DNAH14: variants seen among roughly 807,000 people sequenced by gnomAD.
DNAH14 encodes the protein axonemal beta dynein heavy chain 14.
In DNAH14, 478 loss-of-function variants were observed where a neutral mutation model predicts 520.9. The observed-to-expected ratio is 0.92, with a 90% CI of 0.85 to 0.99. DNAH14 has a LOEUF of 0.99. Ranked by LOEUF, DNAH14 falls within the 50% of genes least tolerant of loss-of-function variation. The pLI, the probability that DNAH14 is intolerant of heterozygous loss-of-function variation, is 0.00. For synonymous variants in DNAH14, 1,581 were observed against 1,757.2 expected, an observed-to-expected ratio of 0.90 and a Z score of 2.51; for missense variants, 4,831 against 5,234.5, an observed-to-expected ratio of 0.92 and a Z score of 2.38.
intron 54 of DNAH14, among the ~76,000 whole-genome samples, chr1:225,280,750 A>G (rs1362406745): frequency 6.6e-6 from 1 of 152,210 alleles, no homozygotes; most frequent in Non-Finnish European, 1.5e-5. Context: ...AGCAAGAGAA[A>G]AACAACTTCT....
In DNAH14 at chr1:225,265,222, G is replaced by A. The variant is rs1383101536; in HGVS notation, c.7263G>A (p.Lys2421=). ...TKKPEVRTNK[K]LLKNNDHKGV... is the part of the protein sequence containing the mutation. Reference sequence around the variant, plus strand: ...AGCCAGAAGTTAGAACTAATAAAAAGTTACTTAAAAATAATGATCATAAAG... The same window carrying A: ...AGCCAGAAGTTAGAACTAATAAAAAATTACTTAAAAATAATGATCATAAAG... The change falls in exon 48 of 86, where the codon AAG becomes AAA. Residue 2421 remains lysine, a synonymous_variant. Transcript: ENST00000682510. 6.6e-7 allele frequency: 1 copy of A among 1,505,424 alleles called. No individual in the cohort carries two copies. Among genetic ancestry groups the A allele is most frequent in the Admixed American group, 2.6e-5 (1 of 38,956 alleles). 93.3% of individuals were successfully genotyped at this position (1,505,424 alleles called of 1,614,324 possible).
In DNAH14 at chr1:225,287,513, G is replaced by A. The variant is rs545553203; in HGVS notation, c.8272-2372G>A. The stretch of plus-strand genomic sequence containing the variant: ...AAATGATCATGTAGTAACAGAGTTG[G>A]AGACATAAGTTAAACTTATTTTTAG... On this transcript the variant is annotated intron_variant, in intron 54 of 85. Transcript: ENST00000682510. Among the ~76,000 whole-genome samples the A allele has an allele frequency of 3.9e-5, 6 of 152,292 alleles. No homozygotes were observed. In the East Asian group the frequency reaches 1.2e-3, roughly 29 times the overall value.
At chr1:225,347,037 C>T (rs1193587000) in intron 71 of DNAH14, among the ~76,000 whole-genome samples, 1 of 152,072 alleles carries the variant, frequency 6.6e-6, no homozygotes, top group African/African-American at 2.4e-5. Flanking sequence ...AGGTTAGACA[C>T]AATTATTTAA....
At chr1:225,392,088 G>T (rs1218088435) in intron 83 of DNAH14, among the ~76,000 whole-genome samples, 1 of 152,150 alleles carries the variant, frequency 6.6e-6, no homozygotes, top group African/African-American at 2.4e-5. Flanking sequence ...TCACCAGGAG[G>T]CTCCTGCAGC....
At chr1:224,993,907 T>A (rs192232869) in intron 8 of DNAH14, among the ~76,000 whole-genome samples, 61 of 152,228 alleles carry the variant, frequency 4.0e-4, no homozygotes, top group Non-Finnish European at 6.6e-4. Context: ...CAAGATATTT[T>A]TAAATTTCAT....
rs775669733 is a variant in DNAH14, at chr1:225,346,104, G to A, written c.10821G>A (p.Ala3607=). The A allele has an allele frequency of 1.0e-4, 160 of 1,551,522 alleles. 1 individual carries two copies. In the South Asian group the frequency reaches 1.4e-3, roughly 13 times the overall value. ...TACGTAAAAACTATCTCCCCATTGC[G>A]ACCCGAGGCGCCCTGCTCTACTTCC... ...QAIRKNYLPI[A]TRGALLYFLV... Residue 3607 remains alanine, a synonymous_variant, in exon 70 of 86, where the codon GCG becomes GCA. Transcript: ENST00000682510.
At chr1:225,018,483 C>A (rs6689287) in intron 10 of DNAH14, among the ~76,000 whole-genome samples, 7,275 of 152,198 alleles carry the variant, frequency 0.048, 508 homozygotes, top group African/African-American at 0.15. Context: ...AGGATATAGT[C>A]CATGACAATT....
intron 26 of DNAH14, among the ~76,000 whole-genome samples, chr1:225,120,561 C>A (rs905990308): frequency 1.3e-5 from 2 of 152,170 alleles, no homozygotes; most frequent in African/African-American, 4.8e-5. Context: ...AAACTAAATT[C>A]CTTCCCAAGG....
chr1:224,929,970 G>T, intron 1 of DNAH14, 135 bp downstream of exon 1: 2 of 514,290 alleles, frequency 3.9e-6, no homozygotes, highest in East Asian at 3.4e-5. Context: ...AGCTGCTGTG[G>T]GAGCGCCTCC....
In DNAH14 at chr1:225,206,075, A is replaced by C. The variant is rs2087514143; in HGVS notation, c.6082A>C (p.Ser2028Arg). 6.4e-6 allele frequency: 10 copies of C among 1,551,610 alleles called. No individual in the cohort carries two copies. Among genetic ancestry groups the C allele is most frequent in the Non-Finnish European group, 8.7e-6 (10 of 1,146,862 alleles). Reference protein sequence around the residue: ...DDTRTLCLANSERIALTNKIR... With the variant: ...DDTRTLCLANRERIALTNKIR... ...TACTAGAACATTGTGCCTAGCAAAC[A>C]GTGAGAGAATAGCTTTAACTAATAA... The change falls in exon 40 of 86, where the codon AGT (serine) becomes CGT (arginine). Residue 2028 changes from serine to arginine, a missense_variant. Ser to Arg is a moderately radical substitution (Grantham distance 110). Transcript: ENST00000682510.
intron 4 of DNAH14, chr1:224,961,305 C>T (rs955485193): frequency 7.2e-5 from 11 of 152,140 alleles, no homozygotes; most frequent in African/African-American, 2.7e-4. Context: ...GACTCCTGAC[C>T]CACAGAAACT....
intron 43 of DNAH14, among the ~76,000 whole-genome samples, chr1:225,246,289 G>A (rs1013301835): frequency 6.6e-6 from 1 of 151,804 alleles, no homozygotes; most frequent in East Asian, 1.9e-4. Context: ...GAAGAAAACC[G>A]AGGCAATACC....
At chr1:225,127,706 A>C (rs1172284633) in intron 27 of DNAH14, among the ~76,000 whole-genome samples, 2 of 152,168 alleles carry the variant, frequency 1.3e-5, no homozygotes, top group Non-Finnish European at 2.9e-5. Flanking sequence ...TAGTCCATTT[A>C]CATTTAAAGT....
chr1:224,976,013 A>C (rs1269792651), intron 8 of DNAH14, among the ~76,000 whole-genome samples: 12 of 151,688 alleles, frequency 7.9e-5, no homozygotes, highest in Non-Finnish European at 1.5e-4. Flanking sequence ...CAGGTTGTTC[A>C]GTTTCCATGT....
intron 34 of DNAH14, 114 bp from the exon 35 acceptor site, chr1:225,159,199 AG>A: frequency 6.6e-6 from 5 of 761,580 alleles, no homozygotes; most frequent in African/African-American, 1.8e-5. Context: ...AGTGAGAGAG[AG>A]GAGGGAAGGA....
At chr1:224,947,345 TA>T (rs2059911084) in intron 1 of DNAH14, among the ~76,000 whole-genome samples, 1 of 152,206 alleles carries the variant, frequency 6.6e-6, no homozygotes, top group African/African-American at 2.4e-5. Flanking sequence ...TCCTTCATGT[TA>T]TTTTTTTCTC....
Position 224,960,222 on chromosome 1 carries a change from G to A in DNAH14, c.287G>A (p.Gly96Glu). 6.2e-7 allele frequency: 1 copy of A among 1,611,582 alleles called. No homozygotes were observed. Among genetic ancestry groups the A allele is most frequent in the Non-Finnish European group, 8.5e-7 (1 of 1,178,836 alleles). The change falls in exon 4 of 86, where the codon GGG (glycine) becomes GAG (glutamate). Residue 96 changes from glycine to glutamate, a missense_variant. Physicochemically the swap from Gly to Glu is moderately conservative, Grantham distance 98 (BLOSUM62 -2). Coordinates refer to ENST00000682510, the MANE Select transcript of DNAH14 (RefSeq NM_001367479.1). ...SPEPASLKEK[G>E]KSRRKKDQTH... The stretch of plus-strand genomic sequence containing the variant: ...GAGCCAGCTTCCCTTAAGGAGAAAG[G>A]GAAGTCAAGGAGAAAAAAGGATCAA...
chr1:225,364,868 A>G lies in DNAH14; in HGVS notation c.12064A>G (p.Ile4022Val), dbSNP rs1274465523. 6 of 1,547,866 alleles carry G rather than the reference A, an allele frequency of 3.9e-6. No individual in the cohort carries two copies. Among genetic ancestry groups the G allele is most frequent in the Non-Finnish European group, 5.2e-6 (6 of 1,145,494 alleles). ...LSSKSYSSFP[I>V]PVLKKGLKIA... The stretch of plus-strand genomic sequence containing the variant: ...CTCAAAATCATACAGTTCTTTTCCA[A>G]TTCCTGTTCTTAAAAAGGGTTTAAA... Residue 4022 changes from isoleucine (I) to valine (V), a missense_variant, in exon 76 of 86, where the codon ATT becomes GTT. Coordinates refer to ENST00000682510, the MANE Select transcript of DNAH14 (RefSeq NM_001367479.1).
chr1:225,258,682 C>G (rs1416187999), intron 45 of DNAH14, among the ~76,000 whole-genome samples: 1 of 152,102 alleles, frequency 6.6e-6, no homozygotes, highest in Non-Finnish European at 1.5e-5. Context: ...TACCTTGCCT[C>G]TAATTTTGTC....
Sources: gnomAD v4.1 joint callset for allele counts (sites outside exome capture counted in the v4.1 genomes callset) on GRCh38, gnomAD v4.1.1 for gene constraint, MANE v1.5 for transcripts, NCBI Gene and HGNC (gene_info 2026-07-23, HGNC 2026-07-21) for gene names.